The following ABCC9 variants were observed in gnomAD, a reference collection of about 807,000 sequenced individuals.
ABCC9 encodes the protein ATP binding cassette subfamily C member 9.
Under a neutral mutation model 188.3 loss-of-function variants are expected in ABCC9, and 95 were observed. The observed-to-expected ratio is 0.50, with a 90% CI of 0.43 to 0.60. The LOEUF is 0.60. Ranked by LOEUF, ABCC9 falls within the 20% of genes least tolerant of loss-of-function variation. The pLI is 0.00. For missense variants in ABCC9, 1,102 were observed against 1,876.3 expected (o/e 0.59, Z 7.62); for synonymous variants, 659 against 652.7 (o/e 1.01, Z -0.15).
At position 21,933,034 on chromosome 12, in the gene ABCC9, A is replaced by G. The variant is rs185554189; in HGVS notation, c.284+748T>C. On this transcript the variant is annotated intron_variant, in intron 4 of 39. Transcript: ENST00000261200. The stretch of plus-strand genomic sequence containing the variant: ...AAAGAAAATGTGGTACATATACACT[A>G]TGGAATACTATGCAGCCAGAAAAAA... 9.7e-5 allele frequency among the ~76,000 whole-genome samples: 8 copies of G among 82,820 alleles called. No homozygotes were observed. In the East Asian group the frequency reaches 1.5e-3, roughly 16 times the overall value. 54.3% of individuals were successfully genotyped at this position (82,820 alleles called of 152,430 possible). A position where few individuals can be genotyped will look rare whatever the true frequency, so the allele number is the denominator to read the frequency against.
Position 21,806,018 on chromosome 12 carries a change from G to A in ABCC9, c.4492C>T (p.Arg1498Trp), listed in dbSNP as rs1020626669. 1.2e-6 allele frequency: 2 copies of A among 1,613,452 alleles called. No homozygotes were observed. The highest frequency in any genetic ancestry group is 1.7e-6 in the Non-Finnish European group (2 of 1,179,794). ...CTTACAGCTATTGTCACCACGGTCC[G>A]GTCTGCAAAGGCTGTCATTACTACT... is the stretch of plus-strand genomic sequence containing the variant. ...QKVVMTAFADRTVVTIAHRVH... is the reference protein window; with the variant it reads ...QKVVMTAFADWTVVTIAHRVH... Residue 1498 changes from arginine to tryptophan, a missense_variant, in exon 39 of 40, where the codon CGG becomes TGG. Arg to Trp is a moderately radical substitution (Grantham distance 101, BLOSUM62 -3). Coordinates refer to ENST00000261200, the MANE Select transcript of ABCC9 (RefSeq NM_020297.4).
chr12:21,876,305 TCCCAATGAAATCTC>T (rs1435362986), intron 16 of ABCC9, among the ~76,000 whole-genome samples: 268 of 152,292 alleles, frequency 1.8e-3, no homozygotes, highest in African/African-American at 6.1e-3. Context: ...CCCAAACATT[TCCCAATGAAATCTC>T]TACATTAATT....
chr12:21,915,259 GTGTA>G (rs1170223027), intron 7 of ABCC9, among the ~76,000 whole-genome samples: 60 of 110,960 alleles, frequency 5.4e-4, no homozygotes, highest in African/African-American at 9.8e-4. Context: ...GTGTGTGTGT[GTGTA>G]TATAATGTGT....
At position 21,894,592 on chromosome 12, in the gene ABCC9, T is replaced by C. The variant is rs1209290077; in HGVS notation, c.1660-418A>G. 4.5e-5 allele frequency among the ~76,000 whole-genome samples: 3 copies of C among 66,932 alleles called. No individual in the cohort carries two copies. The Admixed American group carries it at 5.3e-4, about 12-fold the overall frequency. The allele number at this position is 66,932 out of a possible 152,430, so 43.9% of individuals were successfully genotyped here. ...TCTTTACTAAAACTGTCAGCATTAA[T>C]ATCCAAAGAAGACTTACTTCCATTT... On this transcript the variant is annotated intron_variant, in intron 13 of 39. Coordinates refer to ENST00000261200, the MANE Select transcript of ABCC9 (RefSeq NM_020297.4).
At chr12:21,824,966 C>T (rs569209556) in intron 31 of ABCC9, among the ~76,000 whole-genome samples, 3 of 151,830 alleles carry the variant, frequency 2.0e-5, no homozygotes, top group African/African-American at 7.2e-5. Flanking sequence ...TTTTGTTGAT[C>T]TTTTCAAAAA....
At chr12:21,891,939 C>T (rs1321009350) in intron 14 of ABCC9, among the ~76,000 whole-genome samples, 1 of 152,088 alleles carries the variant, frequency 6.6e-6, no homozygotes, top group African/African-American at 2.4e-5. Context: ...TTTGGGTTCC[C>T]AGAACTAGCA....
At chr12:21,902,218 A>G (rs1947795108) in intron 12 of ABCC9, among the ~76,000 whole-genome samples, 2 of 152,340 alleles carry the variant, frequency 1.3e-5, no homozygotes, top group South Asian at 4.1e-4. Flanking sequence ...AACGAAATGA[A>G]GGCAGAAATA....
chr12:21,845,837 A>G lies in ABCC9; in HGVS notation c.2867-5T>C, dbSNP rs369841241. On this transcript the variant is annotated splice_region_variant and splice_polypyrimidine_tract_variant and intron_variant, in intron 25 of 39. Coordinates refer to ENST00000261200, the MANE Select transcript of ABCC9 (RefSeq NM_020297.4). ...CATCTTCCTCCTCTTCTTCCTCTAC[A>G]TACAAAAAACTTTTGTTTAAGCTTC... The G allele has an allele frequency of 6.7e-5, 108 of 1,611,590 alleles. No individual in the cohort carries two copies. The highest frequency in any genetic ancestry group is 4.9e-4 in the Middle Eastern group (3 of 6,080).
intron 15 of ABCC9, among the ~76,000 whole-genome samples, chr12:21,883,968 A>G (rs1329480542): frequency 1.3e-5 from 2 of 152,234 alleles, no homozygotes; most frequent in Admixed American, 1.3e-4. Flanking sequence ...AAATGGCTAA[A>G]GAGAAAGTAG....
At chr12:21,918,841 G>T (rs1445924157) in intron 5 of ABCC9, among the ~76,000 whole-genome samples, 1 of 152,022 alleles carries the variant, frequency 6.6e-6, no homozygotes, top group Non-Finnish European at 1.5e-5. Flanking sequence ...GAGTCATAAA[G>T]GGCAGGAACA....
rs1943587446 is a variant in ABCC9 at position 21,829,300 on chromosome 12, C to T, written c.3567-240G>A. 2.0e-5 allele frequency among the ~76,000 whole-genome samples: 3 copies of T among 147,168 alleles called. No individual in the cohort carries two copies. In the South Asian group the frequency reaches 6.5e-4, roughly 32 times the overall value. ...CACTGCAAGCTCCGCCTCCCGGGCTCACACCATTCTTCTGCCTCAGCCTCC... is the reference window on the plus strand; with the variant it reads ...CACTGCAAGCTCCGCCTCCCGGGCTTACACCATTCTTCTGCCTCAGCCTCC... On this transcript the variant is annotated intron_variant, in intron 30 of 39. Transcript: ENST00000261200.
intron 31 of ABCC9, among the ~76,000 whole-genome samples, chr12:21,818,623 AAG>A (rs1449187645): frequency 6.7e-6 from 1 of 148,262 alleles, no homozygotes; most frequent in African/African-American, 2.5e-5. Flanking sequence ...GTGGCACAAC[AAG>A]GATCAGATGT....
At chr12:21,890,075 G>A (rs893792301) in intron 14 of ABCC9, among the ~76,000 whole-genome samples, 2 of 152,106 alleles carry the variant, frequency 1.3e-5, no homozygotes, top group African/African-American at 2.4e-5. Context: ...CTAAAGAAAT[G>A]TCTGATGAAA....
chr12:21,809,986 A>C (rs752802286), intron 36 of ABCC9, 31 bp from the exon 37 acceptor site: 3 of 1,282,228 alleles, frequency 2.3e-6, no homozygotes, highest in Non-Finnish European at 2.3e-6. Context: ...ATTAGTCAAT[A>C]AGTGAAAATA....
chr12:21,916,870 C>A, intron 6 of ABCC9, 67 bp downstream of exon 6: 11 of 1,417,158 alleles, frequency 7.8e-6, no homozygotes, highest in Non-Finnish European at 1.1e-5. Context: ...TGATTTCTAG[C>A]TAACTGTAAT....
At chr12:21,903,415 G>T (rs966574186) in intron 12 of ABCC9, among the ~76,000 whole-genome samples, 2 of 152,158 alleles carry the variant, frequency 1.3e-5, no homozygotes, top group African/African-American at 4.8e-5. Flanking sequence ...GCATAGTGTT[G>T]GAAGTACTGG....
chr12:21,937,077 A>C (rs747714536), intron 2 of ABCC9, among the ~76,000 whole-genome samples: 4 of 152,200 alleles, frequency 2.6e-5, no homozygotes, highest in Admixed American at 6.5e-5. Context: ...TATAATTTCA[A>C]ATATTTTCCC....
At chr12:21,919,745 A>G (rs1948732754) in intron 5 of ABCC9, among the ~76,000 whole-genome samples, 1 of 152,056 alleles carries the variant, frequency 6.6e-6, no homozygotes, top group African/African-American at 2.4e-5. Context: ...AAATAGAGAG[A>G]AAACACTTTC....
intron 5 of ABCC9, chr12:21,923,089 A>C (rs1012783543): frequency 6.6e-6 from 1 of 151,416 alleles, no homozygotes. Flanking sequence ...CTTGGAAAAA[A>C]AAAAAAAAGA....
Sources: allele counts gnomAD v4.1 joint callset (sites outside exome capture counted in the v4.1 genomes callset), GRCh38; gene constraint gnomAD v4.1.1; transcripts MANE v1.5; gene names NCBI Gene and HGNC (gene_info 2026-07-23, HGNC 2026-07-21).